Variants in GLI2 observed in about 807,000 individuals in gnomAD.
GLI2 encodes the protein transcription activator GLI2.
Under a neutral mutation model 78.9 loss-of-function variants are expected in GLI2, and 22 were observed. The ratio of observed to expected loss-of-function variants is 0.28; its 90% CI spans 0.20 to 0.40. The LOEUF is 0.40. Ranked by LOEUF, GLI2 falls within the 10% of genes least tolerant of loss-of-function variation. The probability of loss-of-function intolerance (pLI) is 1.00; values close to 1 mark genes in which losing one functional copy is unlikely to be tolerated. For synonymous variants in GLI2, 974 were observed against 963.7 expected (o/e 1.01, Z -0.20); for missense variants, 2,097 against 2,213.2 (o/e 0.95, Z 1.05).
intron 1 of GLI2, among the ~76,000 whole-genome samples, chr2:120,739,589 G>A (rs910315394): frequency 6.6e-6 from 1 of 152,184 alleles, no homozygotes; most frequent in African/African-American, 2.4e-5. Flanking sequence ...GTTCTACCTG[G>A]GCCAGAGCCT....
At chr2:120,980,867 T>C (rs1682686760) in intron 10 of GLI2, among the ~76,000 whole-genome samples, 1 of 152,044 alleles carries the variant, frequency 6.6e-6, no homozygotes, top group South Asian at 2.1e-4. Flanking sequence ...TTGAGGTCTT[T>C]GATCCATTTG....
intron 5 of GLI2, among the ~76,000 whole-genome samples, chr2:120,960,408 C>T (rs987109634): frequency 6.6e-6 from 1 of 152,172 alleles, no homozygotes; most frequent in African/African-American, 2.4e-5. Context: ...GTGGGAACTC[C>T]ATGTGGGTCC....
chr2:120,957,113 T>C (rs1681309635), intron 5 of GLI2, among the ~76,000 whole-genome samples: 1 of 152,208 alleles, frequency 6.6e-6, no homozygotes, highest in South Asian at 2.1e-4. Flanking sequence ...AGGAAAAGTT[T>C]TGCTGAGAAG....
At chr2:120,881,687 AGGATAGTCGGGAGGACAGTGGGGAGAGGG>A (rs1677143492) in intron 2 of GLI2, among the ~76,000 whole-genome samples, 3 of 57,466 alleles carry the variant, frequency 5.2e-5, no homozygotes, top group East Asian at 7.4e-4. Context: ...AGGTGGGGGG[AGGATAGTCGGGAGGACAGTGGGGAGAGGG>A]CAGGTGGGGG....
rs886054814 is a variant in GLI2, at chr2:120,988,920, C to G, written c.2955C>G (p.Ala985=). Residue 985 remains alanine (A), a synonymous_variant, in exon 14 of 14, where the codon GCC becomes GCG. Transcript: ENST00000361492. ...NVNPGPLPPC[A]DRRGLRLQSH... Reference sequence around the variant, plus strand: ...ACCCCGGCCCGCTGCCGCCCTGTGCCGACAGGCGAGGCCTCCGCCTGCAGA... The same window carrying G: ...ACCCCGGCCCGCTGCCGCCCTGTGCGGACAGGCGAGGCCTCCGCCTGCAGA... 2 of 1,520,440 alleles carry G rather than the reference C, an allele frequency of 1.3e-6. No individual in the cohort carries two copies. The highest frequency in any genetic ancestry group is 1.8e-6 in the Non-Finnish European group (2 of 1,137,560). The allele number at this position is 1,520,440 out of a possible 1,614,324, so 94.2% of individuals were successfully genotyped here.
rs1684676185 is a variant in GLI2, at chr2:120,800,862, G to A, written c.148+3394G>A. Among the ~76,000 whole-genome samples the A allele has an allele frequency of 6.6e-6, 1 of 152,194 alleles. No individual in the cohort carries two copies. Among genetic ancestry groups the A allele is most frequent in the African/African-American group, 2.4e-5 (1 of 41,454 alleles). The stretch of plus-strand genomic sequence containing the variant: ...CCTGACTTATTACACATCAGAGAAG[G>A]TGTGGGGTGGGTGGGTCTTATCTGA... On this transcript the variant is annotated intron_variant, in intron 2 of 13. Coordinates refer to ENST00000361492, the MANE Select transcript of GLI2 (RefSeq NM_001374353.1). The surrounding 1 kb of genome is among the most constrained non-coding windows in gnomAD (Gnocchi z 4.1).
At position 120,990,157 on chromosome 2, in the gene GLI2, G is replaced by T; in HGVS notation, c.4192G>T (p.Ala1398Ser). Residue 1398 changes from alanine (A) to serine (S), a missense_variant, in exon 14 of 14, where the codon GCT (alanine) becomes TCT (serine). This residue lies in a region of GLI2 where 1,290 missense variants were observed against 1,261.7 expected (regional missense o/e 1.02). Transcript: ENST00000361492. ...AMPSSQETAE[A>S]VPKGAMGNMG... ...GCCGTCCAGTCAGGAAACAGCAGAGGCTGTGCCCAAGGGAGCGATGGGCAA... is the reference window on the plus strand; with the variant it reads ...GCCGTCCAGTCAGGAAACAGCAGAGTCTGTGCCCAAGGGAGCGATGGGCAA... 1 of 1,611,976 alleles carries T rather than the reference G, an allele frequency of 6.2e-7. No homozygotes were observed. Among genetic ancestry groups the T allele is most frequent in the Non-Finnish European group, 8.5e-7 (1 of 1,179,064 alleles).
chr2:120,989,239 A>G lies in GLI2; in HGVS notation c.3274A>G (p.Arg1092Gly). Residue 1092 changes from arginine (R) to glycine (G), a missense_variant, in exon 14 of 14, where the codon AGG (arginine) becomes GGG (glycine). Around this residue, in one of 5 missense-constraint regions of GLI2, gnomAD observed 1,290 missense variants for 1,261.7 expected, o/e 1.02. Coordinates refer to ENST00000361492, the MANE Select transcript of GLI2 (RefSeq NM_001374353.1). ...CAGCCCGGGGCTGCACGGCCAGCGC[A>G]GGATGGTGGCTGCGGACTCCAACGT... is the stretch of plus-strand genomic sequence containing the variant. Reference protein sequence around the residue: ...LPSPGLHGQRRMVAADSNVGP... With the variant: ...LPSPGLHGQRGMVAADSNVGP... 1.2e-6 allele frequency: 2 copies of G among 1,613,162 alleles called. No homozygotes were observed. Among genetic ancestry groups the G allele is most frequent in the Non-Finnish European group, 1.7e-6 (2 of 1,180,024 alleles).
Position 120,913,398 on chromosome 2 carries a change from AGTATTTTTGAC to A in GLI2, c.149-13959_149-13949del, listed in dbSNP as rs568635628. On this transcript the variant is annotated intron_variant, in intron 2 of 13. Coordinates refer to ENST00000361492, the MANE Select transcript of GLI2 (RefSeq NM_001374353.1). ...TTTACTGGTTCCATGTTGAAGTGAT[AGTATTTTTGAC>A]GTACTGGTTCAATTAAATTGTGTTA... Among the ~76,000 whole-genome samples, 10 of 152,352 alleles carry A rather than the reference AGTATTTTTGAC, an allele frequency of 6.6e-5. No homozygotes were observed. The East Asian group carries it at 1.7e-3, about 26-fold the overall frequency.
intron 2 of GLI2, among the ~76,000 whole-genome samples, chr2:120,829,112 GCACT>G (rs1686231597): frequency 6.6e-6 from 1 of 152,042 alleles, no homozygotes; most frequent in Admixed American, 6.6e-5. Context: ...ACCCATGCAC[GCACT>G]CACTGTCACA....
At chr2:120,739,928 C>T (rs1682476882) in intron 1 of GLI2, among the ~76,000 whole-genome samples, 1 of 152,206 alleles carries the variant, frequency 6.6e-6, no homozygotes, top group African/African-American at 2.4e-5. Flanking sequence ...ATTGTTTCCT[C>T]AGGCTTGTTT....
chr2:120,751,163 C>T (rs1038147118), intron 1 of GLI2, among the ~76,000 whole-genome samples: 5 of 152,242 alleles, frequency 3.3e-5, no homozygotes, highest in Admixed American at 6.5e-5. Flanking sequence ...GAAAGGGCCC[C>T]GGAAGGATCC....
chr2:120,839,371 G>T (rs1007630190), intron 2 of GLI2, among the ~76,000 whole-genome samples: 1 of 152,116 alleles, frequency 6.6e-6, no homozygotes, highest in Non-Finnish European at 1.5e-5. Context: ...ATGGTTAGAG[G>T]TAATTCCAGT....
Position 120,989,494 on chromosome 2 carries a change from A to C in GLI2, c.3529A>C (p.Ser1177Arg), listed in dbSNP as rs1259978045. Residue 1177 changes from serine (S) to arginine (R), a missense_variant, in exon 14 of 14, where the codon AGC becomes CGC. This residue lies in a region of GLI2 where 1,290 missense variants were observed against 1,261.7 expected (regional missense o/e 1.02). Coordinates refer to ENST00000361492, the MANE Select transcript of GLI2 (RefSeq NM_001374353.1). ...CTACAGTCCGCAAGGCCTACAGGCTAGCCCTGGGGGCCTGGACAGCACGCA... is the reference window on the plus strand; with the variant it reads ...CTACAGTCCGCAAGGCCTACAGGCTCGCCCTGGGGGCCTGGACAGCACGCA... ...PGYSPQGLQA[S>R]PGGLDSTQPH... is the part of the protein sequence containing the mutation. The C allele has an allele frequency of 6.2e-7, 1 of 1,612,526 alleles. No homozygotes were observed. Among genetic ancestry groups the C allele is most frequent in the Non-Finnish European group, 8.5e-7 (1 of 1,179,798 alleles).
intron 2 of GLI2, among the ~76,000 whole-genome samples, chr2:120,864,558 G>A (rs1000251330): frequency 5.9e-5 from 9 of 151,954 alleles, no homozygotes; most frequent in Non-Finnish European, 1.0e-4. Flanking sequence ...TGCAAGCTCC[G>A]CCTCCCAGGT....
rs918543872 is a variant in GLI2, at chr2:120,991,807, G to A, written c.*1132G>A. 1.3e-5 allele frequency: 2 copies of A among 152,396 alleles called. No individual in the cohort carries two copies. The highest frequency in any genetic ancestry group is 6.6e-5 in the Admixed American group (1 of 15,266). The allele number at this position is 152,396 out of a possible 1,614,324, so 9.4% of individuals were successfully genotyped here. A position where few individuals can be genotyped will look rare whatever the true frequency, so the allele number is the denominator to read the frequency against. On this transcript the variant is annotated 3_prime_UTR_variant, in exon 14 of 14. Coordinates refer to ENST00000361492, the MANE Select transcript of GLI2 (RefSeq NM_001374353.1). ...TTCCTTCTGCCCGCTGAGTCACTGGGCAGAGAATGATGACATGTGTAGGTG... is the reference window on the plus strand; with the variant it reads ...TTCCTTCTGCCCGCTGAGTCACTGGACAGAGAATGATGACATGTGTAGGTG...
In GLI2 at chr2:120,892,827, C is replaced by T. The variant is rs77409740; in HGVS notation, c.149-34534C>T. On this transcript the variant is annotated intron_variant, in intron 2 of 13. Coordinates refer to ENST00000361492, the MANE Select transcript of GLI2 (RefSeq NM_001374353.1). Reference sequence around the variant, plus strand: ...GTGTGCCATTGTCCCTGATTCACCACCTTCGGTGTCTCTTCCTGATGTCCT... The same window carrying T: ...GTGTGCCATTGTCCCTGATTCACCATCTTCGGTGTCTCTTCCTGATGTCCT... Among the ~76,000 whole-genome samples, 5 of 152,196 alleles carry T rather than the reference C, an allele frequency of 3.3e-5. No individual in the cohort carries two copies. In the East Asian group the frequency reaches 9.6e-4, roughly 29 times the overall value.
chr2:120,974,900 G>A, intron 8 of GLI2, 75 bp from the exon 9 acceptor site: 1 of 1,612,552 alleles, frequency 6.2e-7, no homozygotes, highest in Admixed American at 1.7e-5. Flanking sequence ...AGAATGCATG[G>A]GACTAACAGC....
In GLI2 at chr2:120,989,676, G is replaced by T; in HGVS notation, c.3711G>T (p.Leu1237=). The T allele has an allele frequency of 6.2e-7, 1 of 1,613,368 alleles. No individual in the cohort carries two copies. ...HACYGQVHPQ[L]SPSTISGALN... is the part of the protein sequence containing the mutation. ...GCTATGGCCAAGTCCACCCCCAGCT[G>T]AGCCCCAGCACCATCAGTGGGGCCC... The change falls in exon 14 of 14, where the codon CTG becomes CTT. Residue 1237 remains leucine, a synonymous_variant. Coordinates refer to ENST00000361492, the MANE Select transcript of GLI2 (RefSeq NM_001374353.1).
Sources: allele counts gnomAD v4.1 joint callset (sites outside exome capture counted in the v4.1 genomes callset), GRCh38; gene constraint gnomAD v4.1.1; regional missense constraint gnomAD v4.1.1; non-coding constraint Gnocchi (gnomAD v3.1); transcripts MANE v1.5; gene names NCBI Gene and HGNC (gene_info 2026-07-23, HGNC 2026-07-21).